The following CEP250 variants were observed in gnomAD, a reference collection of about 807,000 sequenced individuals.
CEP250 encodes centrosome-associated protein CEP250.
In CEP250, 242 loss-of-function variants were observed where a neutral mutation model predicts 315.7. That is an observed-to-expected ratio of 0.77 (90% CI 0.69 to 0.85). The LOEUF is 0.85. Ranked by LOEUF, CEP250 falls within the 40% of genes least tolerant of loss-of-function variation. The probability of loss-of-function intolerance (pLI) is 0.00; values close to 1 mark genes in which losing one functional copy is unlikely to be tolerated. For missense variants in CEP250, 2,515 were observed against 2,886.4 expected (o/e 0.87, Z 2.95); for synonymous variants, 1,088 against 1,175.0 (o/e 0.93, Z 1.51).
rs1178279806 is a variant in CEP250 at position 35,503,897 on chromosome 20, T to A, written c.5528T>A (p.Leu1843His). 1.9e-6 allele frequency: 3 copies of A among 1,613,788 alleles called. No homozygotes were observed. In the South Asian group the frequency reaches 3.3e-5, roughly 18 times the overall value. ...EERVKEKADA[L>H]QGALEQAHMT... Reference sequence around the variant, plus strand: ...AGGGTGAAGGAAAAGGCAGACGCCCTCCAGGGAGCTCTGGAGCAAGCCCAT... The same window carrying A: ...AGGGTGAAGGAAAAGGCAGACGCCCACCAGGGAGCTCTGGAGCAAGCCCAT... Residue 1843 changes from leucine (L) to histidine (H), a missense_variant, in exon 30 of 35, where the codon CTC becomes CAC. Leu to His is a moderately conservative substitution (Grantham distance 99). Transcript: ENST00000397527. This position sits in a 1 kb window ranked among gnomAD's most constrained non-coding sequence, Gnocchi z 4.2.
rs569960675 is a variant in CEP250 at position 35,493,451 on chromosome 20, C to T, written c.2912C>T (p.Thr971Ile). The change falls in exon 23 of 35, where the codon ACC (threonine) becomes ATC (isoleucine). Residue 971 changes from threonine to isoleucine, a missense_variant. Coordinates refer to ENST00000397527, the MANE Select transcript of CEP250 (RefSeq NM_007186.6). ...KEQETTGILQTQLQEAQRELK... is the reference protein window; with the variant it reads ...KEQETTGILQIQLQEAQRELK... Reference sequence around the variant, plus strand: ...CAGGAGACCACTGGGATACTACAGACCCAGCTCCAGGAGGCTCAACGGGAG... The same window carrying T: ...CAGGAGACCACTGGGATACTACAGATCCAGCTCCAGGAGGCTCAACGGGAG... The T allele has an allele frequency of 6.2e-6, 10 of 1,607,602 alleles. No individual in the cohort carries two copies. Among genetic ancestry groups the T allele is most frequent in the African/African-American group, 4.0e-5 (3 of 74,748 alleles).
chr20:35,488,933 C>A (rs1428105396), intron 20 of CEP250, among the ~76,000 whole-genome samples: 2 of 152,082 alleles, frequency 1.3e-5, no homozygotes, highest in Non-Finnish European at 2.9e-5. Flanking sequence ...CACCTGTAAT[C>A]CTAGCACTTT....
intron 9 of CEP250, among the ~76,000 whole-genome samples, chr20:35,468,141 G>T (rs1261300655): frequency 6.6e-6 from 1 of 151,938 alleles, no homozygotes; most frequent in Non-Finnish European, 1.5e-5. Flanking sequence ...TAGAGACAGG[G>T]TTTCACCATG....
In CEP250 at chr20:35,519,167, T is replaced by C. The variant is rs144974681; in HGVS notation, c.*7541T>C. On this transcript the variant is annotated 3_prime_UTR_variant, in exon 35 of 35. Transcript: ENST00000397527. ...GTAAACTGTTAGTTCAATGAGGTTATGATTGCACAACAATGTGAACATACT... is the reference window on the plus strand; with the variant it reads ...GTAAACTGTTAGTTCAATGAGGTTACGATTGCACAACAATGTGAACATACT... 1 of 152,340 alleles carries C rather than the reference T, an allele frequency of 6.6e-6. No individual in the cohort carries two copies. Among genetic ancestry groups the C allele is most frequent in the East Asian group, 1.9e-4 (1 of 5,194 alleles). The allele number at this position is 152,340 out of a possible 1,614,324, so 9.4% of individuals were successfully genotyped here.
intron 30 of CEP250, among the ~76,000 whole-genome samples, chr20:35,505,388 C>T (rs2064156347): frequency 6.6e-6 from 1 of 152,148 alleles, no homozygotes; most frequent in Admixed American, 6.5e-5. Flanking sequence ...CACGGTGGCT[C>T]ACGCCGGTAA....
chr20:35,498,761 A>C, intron 27 of CEP250, 45 bp downstream of exon 27: 1 of 1,516,848 alleles, frequency 6.6e-7, no homozygotes, highest in Non-Finnish European at 8.8e-7. Context: ...ACATCCCTGG[A>C]AAAGCATGAG....
chr20:35,503,461 G>C lies in CEP250; in HGVS notation c.5092G>C (p.Glu1698Gln). 1 of 1,614,162 alleles carries C rather than the reference G, an allele frequency of 6.2e-7. No individual in the cohort carries two copies. The highest frequency in any genetic ancestry group is 1.1e-5 in the South Asian group (1 of 91,080). Reference protein sequence around the residue: ...IKLSLRERGRELTTQRQLMQE... With the variant: ...IKLSLRERGRQLTTQRQLMQE... ...GCTGTCCTTGAGAGAGCGAGGCCGG[G>C]AGCTGACCACTCAGAGGCAGCTGAT... Residue 1698 changes from glutamate to glutamine, a missense_variant, in exon 30 of 35, where the codon GAG becomes CAG. Physicochemically the swap from Glu to Gln is conservative, Grantham distance 29. Transcript: ENST00000397527. This position sits in a 1 kb window ranked among gnomAD's most constrained non-coding sequence, Gnocchi z 4.2.
At chr20:35,461,658 GT>G (rs2062759477) in intron 3 of CEP250, among the ~76,000 whole-genome samples, 1 of 152,198 alleles carries the variant, frequency 6.6e-6, no homozygotes, top group Non-Finnish European at 1.5e-5. Flanking sequence ...CCTGGCACAA[GT>G]TTTTTAACCT....
chr20:35,462,182 T>G, intron 3 of CEP250, 83 bp from the exon 4 acceptor site: 2 of 491,226 alleles, frequency 4.1e-6, no homozygotes, highest in Admixed American at 3.4e-5. Context: ...GAGGGTCCCT[T>G]TTAGTATTTT....
At position 35,503,190 on chromosome 20, in the gene CEP250, A is replaced by G; in HGVS notation, c.4821A>G (p.Gln1607=). ...AAAGGAGCCAGGAGCTGCAGGCACA[A>G]AGCAGCCAGATCCATGACCTGGAGA... is the stretch of plus-strand genomic sequence containing the variant. The part of the protein sequence containing the change: ...LEERSQELQA[Q]SSQIHDLESH... Residue 1607 remains glutamine (Q), a synonymous_variant, in exon 30 of 35, where the codon CAA becomes CAG. Coordinates refer to ENST00000397527, the MANE Select transcript of CEP250 (RefSeq NM_007186.6). This position sits in a 1 kb window ranked among gnomAD's most constrained non-coding sequence, Gnocchi z 4.2. 1 of 1,614,124 alleles carries G rather than the reference A, an allele frequency of 6.2e-7. No individual in the cohort carries two copies. Among genetic ancestry groups the G allele is most frequent in the East Asian group, 2.2e-5 (1 of 44,874 alleles).
chr20:35,466,416 T>C (rs1601130859), intron 7 of CEP250, among the ~76,000 whole-genome samples: 3 of 152,310 alleles, frequency 2.0e-5, no homozygotes, highest in East Asian at 3.9e-4. Flanking sequence ...GTCTAGGTTC[T>C]GCTGGGAGGT....
chr20:35,478,648 A>G (rs1457333842), intron 17 of CEP250, among the ~76,000 whole-genome samples: 1 of 152,222 alleles, frequency 6.6e-6, no homozygotes, highest in Non-Finnish European at 1.5e-5. Flanking sequence ...TTATACTCTG[A>G]TAGCACCTCA....
intron 17 of CEP250, among the ~76,000 whole-genome samples, chr20:35,478,536 A>G (rs1370066975): frequency 1.3e-5 from 2 of 152,154 alleles, no homozygotes. Flanking sequence ...CTGCACTCCA[A>G]CCTGGATGAC....
At chr20:35,472,200 C>A in intron 11 of CEP250, 49 bp downstream of exon 11, 3 of 1,081,320 alleles carry the variant, frequency 2.8e-6, no homozygotes, top group South Asian at 2.5e-5. Context: ...CCTCCACTCC[C>A]CAGGTCTCCA....
Position 35,490,802 on chromosome 20 carries a change from C to T in CEP250, c.2752C>T (p.Gln918Ter), listed in dbSNP as rs761736253. Residue 918 changes from glutamine (Q) to a stop codon, truncating the protein, a stop_gained and splice_region_variant, in exon 21 of 35, where the codon CAG becomes TAG. Coordinates refer to ENST00000397527, the MANE Select transcript of CEP250 (RefSeq NM_007186.6). LOFTEE classifies it high-confidence loss of function. ...ERTQAESALC[Q>*]MQLETEKERV... ...GACCCAGGCAGAGAGTGCCCTATGC[C>T]AGGTGGGAAGCTAGGAGGATTGGAG... 5.0e-6 allele frequency: 8 copies of T among 1,612,162 alleles called. No homozygotes were observed. The South Asian group carries it at 7.7e-5, about 16-fold the overall frequency.
rs58153317 is a variant in CEP250 at position 35,459,626 on chromosome 20, G to GA, written c.-226-344dup. ...ATGGCAAAACCTTGTCTCTACCAAA[G>GA]AAAAAAAAAAAAAGCCTCGGTGGCA... On this transcript the variant is annotated intron_variant, in intron 2 of 34. Transcript: ENST00000397527. 6.8e-3 allele frequency among the ~76,000 whole-genome samples: 927 copies of GA among 137,118 alleles called. 4 individuals are homozygous for GA. The highest frequency in any genetic ancestry group is 0.01 in the Non-Finnish European group (652 of 62,176). The allele number at this position is 137,118 out of a possible 152,430, so 90.0% of individuals were successfully genotyped here.
intron 3 of CEP250, among the ~76,000 whole-genome samples, chr20:35,461,573 T>C (rs1329501433): frequency 2.0e-5 from 3 of 152,232 alleles, no homozygotes; most frequent in Non-Finnish European, 2.9e-5. Context: ...TTGCCTGAAA[T>C]GCCTGCTACC....
At chr20:35,458,637 G>C (rs2062684853) in intron 2 of CEP250, among the ~76,000 whole-genome samples, 1 of 152,170 alleles carries the variant, frequency 6.6e-6, no homozygotes, top group Non-Finnish European at 1.5e-5. Context: ...TTCCCTTTGG[G>C]GGCTCTGCTA....
chr20:35,505,165 C>T (rs538020099), intron 30 of CEP250, among the ~76,000 whole-genome samples, 160 bp downstream of exon 30: 3 of 152,248 alleles, frequency 2.0e-5, no homozygotes, highest in South Asian at 2.1e-4. Flanking sequence ...CTGTGCTAGT[C>T]GGGAGATACA....
Sources: gnomAD v4.1 joint callset for allele counts (sites outside exome capture counted in the v4.1 genomes callset) on GRCh38, gnomAD v4.1.1 for gene constraint, Gnocchi (gnomAD v3.1) non-coding constraint, MANE v1.5 for transcripts, NCBI Gene and HGNC (gene_info 2026-07-23, HGNC 2026-07-21) for gene names.